COL19A1: variants seen among roughly 807,000 people sequenced by gnomAD.
COL19A1 encodes collagen alpha-1(XIX) chain.
Under a neutral mutation model 190.2 loss-of-function variants are expected in COL19A1, and 159 were observed. The observed-to-expected ratio is 0.84, with a 90% CI of 0.73 to 0.95. The LOEUF (loss-of-function observed/expected upper bound fraction) is 0.95, where lower values mean the gene tolerates loss of function less well. COL19A1 is among the 40% of genes least tolerant of loss of function. COL19A1 has a pLI of 0.00. For missense variants in COL19A1, 1,418 were observed against 1,431.9 expected (o/e 0.99, Z 0.16); for synonymous variants, 509 against 458.9 (o/e 1.11, Z -1.39).
chr6:69,976,163 C>G (rs1008464609), intron 11 of COL19A1, among the ~76,000 whole-genome samples: 3 of 152,178 alleles, frequency 2.0e-5, no homozygotes, highest in Non-Finnish European at 4.4e-5. Flanking sequence ...CTCCAAGATT[C>G]TCAGAGATTC....
chr6:70,144,091 T>G (rs1472643968), intron 23 of COL19A1, 119 bp from the exon 24 acceptor site: 3 of 767,908 alleles, frequency 3.9e-6, no homozygotes, highest in Non-Finnish European at 5.9e-6. Flanking sequence ...ATCCAACTCC[T>G]TCTATTAATA....
chr6:70,187,270 G>T (rs1223465347), intron 46 of COL19A1, among the ~76,000 whole-genome samples: 1 of 152,056 alleles, frequency 6.6e-6, no homozygotes, highest in Admixed American at 6.6e-5. Flanking sequence ...CTTTTCAATG[G>T]TTCTCCCTTC....
At chr6:70,156,788 A>G in intron 34 of COL19A1, 65 bp downstream of exon 34, 1 of 1,317,750 alleles carries the variant, frequency 7.6e-7, no homozygotes, top group Non-Finnish European at 1.1e-6. Flanking sequence ...TCAACAGAGT[A>G]AAAATGTTAA....
At chr6:70,018,432 C>G (rs2150100242) in intron 11 of COL19A1, among the ~76,000 whole-genome samples, 1 of 152,104 alleles carries the variant, frequency 6.6e-6, no homozygotes, top group East Asian at 1.9e-4. Flanking sequence ...TATATTTTTT[C>G]TCTAGGAACA....
intron 15 of COL19A1, among the ~76,000 whole-genome samples, chr6:70,090,403 T>A (rs1369804709): frequency 6.6e-6 from 1 of 152,146 alleles, no homozygotes; most frequent in Non-Finnish European, 1.5e-5. Flanking sequence ...ATTGTACGTA[T>A]TATAAGTAAT....
intron 11 of COL19A1, among the ~76,000 whole-genome samples, chr6:69,966,283 C>G (rs1318191175): frequency 6.6e-6 from 1 of 151,996 alleles, no homozygotes; most frequent in Non-Finnish European, 1.5e-5. Flanking sequence ...CCCAACAGCT[C>G]ATTGAGAACG....
At chr6:70,154,782 T>G (rs1187010265) in intron 31 of COL19A1, among the ~76,000 whole-genome samples, 3 of 151,898 alleles carry the variant, frequency 2.0e-5, no homozygotes, top group Non-Finnish European at 4.4e-5. Context: ...AGTCTGAGAG[T>G]CCAAAGCTGA....
intron 15 of COL19A1, among the ~76,000 whole-genome samples, chr6:70,079,356 T>C (rs1782094007): frequency 2.0e-5 from 3 of 152,274 alleles, no homozygotes; most frequent in South Asian, 2.1e-4. Flanking sequence ...CCCCTTAAGA[T>C]GTGAGCTGAG....
At chr6:69,995,386 G>A (rs886292660) in intron 11 of COL19A1, among the ~76,000 whole-genome samples, 2 of 152,154 alleles carry the variant, frequency 1.3e-5, no homozygotes, top group African/African-American at 4.8e-5. Context: ...CTTTCTAAAA[G>A]AGAGTCTTGA....
At chr6:69,893,740 T>A (rs1310039354) in intron 2 of COL19A1, among the ~76,000 whole-genome samples, 1 of 152,232 alleles carries the variant, frequency 6.6e-6, no homozygotes, top group Non-Finnish European at 1.5e-5. Context: ...TGTTTCCAGA[T>A]CCAAGAGATA....
At chr6:70,106,630 T>C (rs1053356014) in intron 16 of COL19A1, among the ~76,000 whole-genome samples, 2 of 152,220 alleles carry the variant, frequency 1.3e-5, no homozygotes, top group Non-Finnish European at 2.9e-5. Flanking sequence ...GTGCTTGTCA[T>C]TGAACAGTGA....
chr6:69,921,304 TATCATATATCATATA>T (rs1299207477), intron 4 of COL19A1, among the ~76,000 whole-genome samples: 2 of 132,602 alleles, frequency 1.5e-5, no homozygotes, highest in East Asian at 2.1e-4. Flanking sequence ...ATATATCATA[TATCATATATCATATA>T]ATCATATATC....
Position 70,206,042 on chromosome 6 carries a change from C to CT in COL19A1, c.3224-854dup, listed in dbSNP as rs1347553616. On this transcript the variant is annotated intron_variant, in intron 49 of 50. Transcript: ENST00000620364. ...GTTGATCATTTGAACACAGACCTGA[C>CT]TTTTTAGATGAGTTAACCCACATAT... is the stretch of plus-strand genomic sequence containing the variant. Among the ~76,000 whole-genome samples the CT allele has an allele frequency of 9.9e-5, 15 of 152,256 alleles. No individual in the cohort carries two copies. The South Asian group carries it at 2.3e-3, about 23-fold the overall frequency.
At chr6:70,180,387 T>G in intron 43 of COL19A1, 31 bp downstream of exon 43, 1 of 1,614,128 alleles carries the variant, frequency 6.2e-7, no homozygotes, top group Non-Finnish European at 8.5e-7. Context: ...ATGACAGTTG[T>G]ACTTGTGTTG....
At position 70,151,402 on chromosome 6, in the gene COL19A1, A is replaced by ACTTCCTCT; in HGVS notation, c.2047_2054dup (p.Leu685PhefsTer25). ...TTTTATCTTCTTAACCACAGATTGC[A>ACTTCCTCT]CTTCCTCTCTTGGGAGACATCGGTG... On this transcript the variant is annotated frameshift_variant, in exon 31 of 51. Transcript: ENST00000620364. LOFTEE classifies it high-confidence loss of function. 1 of 1,612,718 alleles carries ACTTCCTCT rather than the reference A, an allele frequency of 6.2e-7. No individual in the cohort carries two copies. The highest frequency in any genetic ancestry group is 8.5e-7 in the Non-Finnish European group (1 of 1,179,044).
intron 18 of COL19A1, among the ~76,000 whole-genome samples, chr6:70,135,561 C>G (rs942493630): frequency 4.6e-5 from 7 of 152,150 alleles, no homozygotes; most frequent in Non-Finnish European, 1.0e-4. Context: ...ATATTGTTAT[C>G]AAGCAGATGG....
intron 4 of COL19A1, among the ~76,000 whole-genome samples, chr6:69,913,165 T>G (rs1439392818): frequency 6.6e-6 from 1 of 152,208 alleles, no homozygotes; most frequent in Non-Finnish European, 1.5e-5. Flanking sequence ...CTCTTCTGAT[T>G]TACCCACAAT....
intron 11 of COL19A1, among the ~76,000 whole-genome samples, chr6:70,022,063 T>C (rs1316351174): frequency 6.6e-6 from 1 of 152,126 alleles, no homozygotes. Flanking sequence ...CCTTAGGCAA[T>C]TGAGAGTGTG....
intron 9 of COL19A1, among the ~76,000 whole-genome samples, chr6:69,944,810 G>C (rs190685885): frequency 1.3e-4 from 19 of 151,892 alleles, no homozygotes; most frequent in Admixed American, 1.2e-3. Flanking sequence ...TAATTATCTA[G>C]TTGTGATCAG....
Sources: gnomAD v4.1 joint callset for allele counts (sites outside exome capture counted in the v4.1 genomes callset) on GRCh38, gnomAD v4.1.1 for gene constraint, MANE v1.5 for transcripts, NCBI Gene and HGNC (gene_info 2026-07-23, HGNC 2026-07-21) for gene names.